The following GABRG3 variants were observed in gnomAD, a reference collection of about 807,000 sequenced individuals.
GABRG3 encodes the protein gamma-aminobutyric acid type A receptor subunit gamma3, also known as gamma-aminobutyric acid receptor subunit gamma-3.
A neutral mutation model predicts 48.8 loss-of-function variants in GABRG3; 25 were observed. The observed-to-expected ratio is 0.51, with a 90% CI of 0.37 to 0.72. The LOEUF (loss-of-function observed/expected upper bound fraction) is 0.72, where lower values mean the gene tolerates loss of function less well. GABRG3 is among the 30% of genes least tolerant of loss of function. The pLI is 0.00. For missense variants in GABRG3, 394 were observed against 577.9 expected (o/e 0.68, Z 3.26); for synonymous variants, 227 against 217.6 (o/e 1.04, Z -0.38).
intron 3 of GABRG3, among the ~76,000 whole-genome samples, chr15:27,230,580 A>G (rs1031828444): frequency 6.6e-6 from 1 of 152,108 alleles, no homozygotes; most frequent in Non-Finnish European, 1.5e-5. Context: ...TAATTTGTAT[A>G]TGTTTGTAAA....
In GABRG3 at chr15:27,277,492, A is replaced by T. The variant is rs187497376; in HGVS notation, c.271-49317A>T. ...ATTCTTTGATGACTTCTGAGAATCA[A>T]TGATGCCTAACTGGAGGAGATTGAT... is the stretch of plus-strand genomic sequence containing the variant. On this transcript the variant is annotated intron_variant, in intron 3 of 9. Transcript: ENST00000615808. Among the ~76,000 whole-genome samples, 4 of 152,368 alleles carry T rather than the reference A, an allele frequency of 2.6e-5. No individual in the cohort carries two copies. In the East Asian group the frequency reaches 7.7e-4, roughly 29 times the overall value.
intron 3 of GABRG3, among the ~76,000 whole-genome samples, chr15:27,053,987 T>C (rs7183933): frequency 0.79 from 120,366 of 152,098 alleles, 47,826 homozygotes; most frequent in East Asian, 0.88. Context: ...AGGGGCCGGG[T>C]GTGGCGGCTC....
rs1896089669 is a variant in GABRG3, at chr15:27,031,687, C to A, written c.270+4866C>A. 2.0e-5 allele frequency among the ~76,000 whole-genome samples: 3 copies of A among 152,178 alleles called. No homozygotes were observed. The South Asian group carries it at 6.2e-4, about 32-fold the overall frequency. On this transcript the variant is annotated intron_variant, in intron 3 of 9. Transcript: ENST00000615808. ...ATAAAGAACACATGAGGCCTCTCAA[C>A]CCTATCTCTGCTCCATTCCACTTGT...
At chr15:27,157,968 A>C (rs1019951980) in intron 3 of GABRG3, 3 of 152,202 alleles carry the variant, frequency 2.0e-5, no homozygotes, top group African/African-American at 7.2e-5. Context: ...TGGCGTTCTT[A>C]CATTCTTAGT....
At chr15:27,302,451 T>TA (rs1892244142) in intron 3 of GABRG3, among the ~76,000 whole-genome samples, 1 of 152,038 alleles carries the variant, frequency 6.6e-6, no homozygotes, top group African/African-American at 2.4e-5. Context: ...GAGTTCTAAA[T>TA]ACATATGCAT....
chr15:27,342,688 C>A (rs1439124569), intron 5 of GABRG3, among the ~76,000 whole-genome samples: 2 of 152,210 alleles, frequency 1.3e-5, no homozygotes, highest in East Asian at 3.9e-4. Context: ...TCGAAAACAG[C>A]TTATTTAATT....
intron 5 of GABRG3, among the ~76,000 whole-genome samples, chr15:27,467,136 C>G (rs536373644): frequency 6.6e-6 from 1 of 152,122 alleles, no homozygotes; most frequent in African/African-American, 2.4e-5. Context: ...TCAGCAGACC[C>G]GGTGTCTGGT....
intron 6 of GABRG3, among the ~76,000 whole-genome samples, chr15:27,481,543 A>G (rs1460097637): frequency 6.6e-6 from 1 of 152,146 alleles, no homozygotes; most frequent in Non-Finnish European, 1.5e-5. Context: ...TTATCTAATA[A>G]TTTATTTTAT....
At chr15:27,251,191 C>T (rs1269622196) in intron 3 of GABRG3, among the ~76,000 whole-genome samples, 1 of 152,288 alleles carries the variant, frequency 6.6e-6, no homozygotes, top group South Asian at 2.1e-4. Flanking sequence ...TGTCTTTCCT[C>T]GGCCCAGATT....
chr15:27,109,708 C>G (rs1897511749), intron 3 of GABRG3, among the ~76,000 whole-genome samples: 1 of 152,142 alleles, frequency 6.6e-6, no homozygotes, highest in Admixed American at 6.5e-5. Flanking sequence ...CATGGCAAAA[C>G]CTGTCTCTAC....
At chr15:27,506,874 TA>T (rs1890773764) in intron 6 of GABRG3, among the ~76,000 whole-genome samples, 1 of 151,244 alleles carries the variant, frequency 6.6e-6, no homozygotes, top group African/African-American at 2.5e-5. Context: ...CTAAAGTGAC[TA>T]TTTTTTTTCT....
intron 6 of GABRG3, among the ~76,000 whole-genome samples, chr15:27,489,103 C>A (rs890171616): frequency 1.3e-5 from 2 of 151,884 alleles, no homozygotes; most frequent in African/African-American, 4.8e-5. Flanking sequence ...TGTTCAACTC[C>A]CACTTATGAG....
chr15:27,231,041 G>C (rs1261015526), intron 3 of GABRG3, among the ~76,000 whole-genome samples: 1 of 151,704 alleles, frequency 6.6e-6, no homozygotes, highest in Non-Finnish European at 1.5e-5. Context: ...GTGTGTGTGT[G>C]TGTGTGTGAT....
In GABRG3 at chr15:27,310,029, G is replaced by A. The variant is rs544581655; in HGVS notation, c.271-16780G>A. Among the ~76,000 whole-genome samples the A allele has an allele frequency of 2.0e-4, 31 of 152,134 alleles. No individual in the cohort carries two copies. The South Asian group carries it at 2.9e-3, about 14-fold the overall frequency. On this transcript the variant is annotated intron_variant, in intron 3 of 9. Coordinates refer to ENST00000615808, the MANE Select transcript of GABRG3 (RefSeq NM_033223.5). ...TATGTAACAACTTGGACAAATCTCAGAGGCATTATGCTAGGGAATGAAGCC... is the reference window on the plus strand; with the variant it reads ...TATGTAACAACTTGGACAAATCTCAAAGGCATTATGCTAGGGAATGAAGCC...
intron 3 of GABRG3, among the ~76,000 whole-genome samples, chr15:27,071,628 C>G (rs142208271): frequency 1.3e-5 from 2 of 152,170 alleles, no homozygotes; most frequent in Admixed American, 1.3e-4. Context: ...AAGCACCTGG[C>G]GGCTCTCTCT....
intron 3 of GABRG3, among the ~76,000 whole-genome samples, chr15:27,273,451 A>C (rs1401548253): frequency 1.2e-4 from 18 of 152,220 alleles, no homozygotes; most frequent in Admixed American, 1.2e-3. Flanking sequence ...ATCCATCACT[A>C]CCAAGACATT....
At chr15:27,118,068 G>C (rs189094466) in intron 3 of GABRG3, among the ~76,000 whole-genome samples, 2 of 152,266 alleles carry the variant, frequency 1.3e-5, no homozygotes, top group Admixed American at 6.5e-5. Flanking sequence ...CAGTTTCAAG[G>C]CTTCATCTTT....
intron 3 of GABRG3, among the ~76,000 whole-genome samples, chr15:27,318,319 A>G (rs528089060): frequency 3.9e-5 from 6 of 152,200 alleles, no homozygotes; most frequent in East Asian, 1.9e-4. Context: ...GTGTAAAACT[A>G]TGTCCCAGAG....
intron 3 of GABRG3, among the ~76,000 whole-genome samples, chr15:27,166,063 C>T (rs1406220211): frequency 2.0e-5 from 3 of 152,194 alleles, no homozygotes; most frequent in South Asian, 2.1e-4. Context: ...GCTCTGATTA[C>T]GTCTTTAGGC....
Sources: gnomAD v4.1 joint callset for allele counts (sites outside exome capture counted in the v4.1 genomes callset) on GRCh38, gnomAD v4.1.1 for gene constraint, MANE v1.5 for transcripts, NCBI Gene and HGNC (gene_info 2026-07-23, HGNC 2026-07-21) for gene names.